The following CDH12 variants were observed in gnomAD, a reference collection of about 807,000 sequenced individuals.
CDH12 encodes cadherin 12.
Under a neutral mutation model 74.1 loss-of-function variants are expected in CDH12, and 41 were observed. That is an observed-to-expected ratio of 0.55 (90% CI 0.43 to 0.72). CDH12 has a LOEUF of 0.72. Among genes scored for constraint, CDH12 ranks in the 30% least tolerant of loss-of-function variants. The pLI, the probability that CDH12 is intolerant of heterozygous loss-of-function variation, is 0.00. For missense variants in CDH12, 945 were observed against 977.2 expected (o/e 0.97, Z 0.44); for synonymous variants, 399 against 355.0 (o/e 1.12, Z -1.39).
At chr5:22,252,540 A>G (rs548448774) in intron 3 of CDH12, among the ~76,000 whole-genome samples, 2 of 152,178 alleles carry the variant, frequency 1.3e-5, no homozygotes, top group South Asian at 4.1e-4. Flanking sequence ...ACTGATGCCT[A>G]AAGTTTATAC....
At chr5:22,249,471 G>T (rs1419469502) in intron 3 of CDH12, among the ~76,000 whole-genome samples, 1 of 152,102 alleles carries the variant, frequency 6.6e-6, no homozygotes, top group Non-Finnish European at 1.5e-5. Context: ...TACAAAGCAA[G>T]ATCTGTATCC....
chr5:22,435,621 C>T (rs939882488), intron 2 of CDH12, among the ~76,000 whole-genome samples: 4 of 151,618 alleles, frequency 2.6e-5, no homozygotes, highest in African/African-American at 9.7e-5. Context: ...TGATAATAGC[C>T]CTTTCCCAAA....
intron 2 of CDH12, among the ~76,000 whole-genome samples, chr5:22,436,795 T>C (rs1284305722): frequency 1.3e-5 from 2 of 152,202 alleles, no homozygotes; most frequent in Non-Finnish European, 2.9e-5. Flanking sequence ...TTGAAATATG[T>C]ACTTACATTC....
chr5:21,977,281 C>T (rs1757109689), intron 5 of CDH12, among the ~76,000 whole-genome samples: 1 of 151,876 alleles, frequency 6.6e-6, no homozygotes, highest in African/African-American at 2.4e-5. Context: ...AAAAAAACTG[C>T]TGTGAAGCAT....
At chr5:22,532,473 T>C (rs1018748300) in intron 1 of CDH12, among the ~76,000 whole-genome samples, 44 of 149,352 alleles carry the variant, frequency 2.9e-4, no homozygotes, top group Middle Eastern at 3.5e-3. Flanking sequence ...ATCAGATTTA[T>C]ATCTAGGACA....
intron 9 of CDH12, among the ~76,000 whole-genome samples, chr5:21,816,007 G>A (rs1415875650): frequency 1.3e-5 from 2 of 152,092 alleles, no homozygotes; most frequent in Non-Finnish European, 2.9e-5. Flanking sequence ...TTGAATCACA[G>A]AATAATAGCA....
chr5:21,915,775 C>A (rs971914912), intron 6 of CDH12, among the ~76,000 whole-genome samples: 3 of 151,378 alleles, frequency 2.0e-5, no homozygotes, highest in African/African-American at 4.9e-5. Flanking sequence ...AGACAAGTTA[C>A]GCTCCATCCG....
At chr5:22,636,910 A>C (rs1336135087) in intron 1 of CDH12, among the ~76,000 whole-genome samples, 1 of 152,214 alleles carries the variant, frequency 6.6e-6, no homozygotes, top group African/African-American at 2.4e-5. Context: ...AGTTGTATAC[A>C]GGGGAACAGT....
chr5:21,867,013 C>T (rs1751363046), intron 6 of CDH12, among the ~76,000 whole-genome samples: 1 of 152,098 alleles, frequency 6.6e-6, no homozygotes, highest in African/African-American at 2.4e-5. Flanking sequence ...AGCCTCAAGC[C>T]CTGGCAGCAT....
chr5:22,146,980 C>A (rs1255807169), intron 4 of CDH12, among the ~76,000 whole-genome samples: 2 of 152,060 alleles, frequency 1.3e-5, no homozygotes, highest in Non-Finnish European at 2.9e-5. Context: ...TTGTTTATTG[C>A]AAATGGACAT....
chr5:22,610,420 A>C (rs1737337851), intron 1 of CDH12, among the ~76,000 whole-genome samples: 1 of 152,170 alleles, frequency 6.6e-6, no homozygotes, highest in East Asian at 1.9e-4. Context: ...AACATGCAAA[A>C]ATAAAACCGA....
chr5:22,846,095 A>G (rs1037097274), intron 1 of CDH12, among the ~76,000 whole-genome samples: 2 of 152,136 alleles, frequency 1.3e-5, no homozygotes, highest in African/African-American at 2.4e-5. Context: ...GGTGGAATGG[A>G]GAGGAGCAAA....
rs564610846 is a variant in CDH12, at chr5:22,607,056, G to C, written c.-522-101692C>G. 3.9e-5 allele frequency among the ~76,000 whole-genome samples: 6 copies of C among 152,296 alleles called. No individual in the cohort carries two copies. In the South Asian group the frequency reaches 1.2e-3, roughly 32 times the overall value. On this transcript the variant is annotated intron_variant, in intron 1 of 14. Coordinates refer to ENST00000382254, the MANE Select transcript of CDH12 (RefSeq NM_004061.5). ...TAAAGATCTGTGGAACTTTGAACTT[G>C]AGAGAGATAATTTAGTGTATCTGAT...
At chr5:22,104,383 G>A (rs1000601403) in intron 4 of CDH12, among the ~76,000 whole-genome samples, 3 of 152,000 alleles carry the variant, frequency 2.0e-5, no homozygotes, top group Non-Finnish European at 4.4e-5. Context: ...TCTTTGTGAA[G>A]TATGTATTTG....
At chr5:21,880,562 C>CTTTCCTT (rs1561268001) in intron 6 of CDH12, among the ~76,000 whole-genome samples, 4 of 51,826 alleles carry the variant, frequency 7.7e-5, no homozygotes, top group South Asian at 7.3e-4. Flanking sequence ...TTCCTTCCTT[C>CTTTCCTT]CCTTCTTTCT....
At chr5:22,796,680 C>T (rs989862340) in intron 1 of CDH12, among the ~76,000 whole-genome samples, 3 of 133,624 alleles carry the variant, frequency 2.2e-5, no homozygotes, top group Admixed American at 7.7e-5. Context: ...CCACTACGCC[C>T]GGCTAATTTT....
At chr5:22,284,397 G>T (rs916301990) in intron 3 of CDH12, among the ~76,000 whole-genome samples, 8 of 152,092 alleles carry the variant, frequency 5.3e-5, no homozygotes, top group Non-Finnish European at 8.8e-5. Context: ...CAGGTCTGTG[G>T]TCTCATCTGA....
At chr5:22,341,937 A>G (rs2150455608) in intron 3 of CDH12, among the ~76,000 whole-genome samples, 1 of 152,226 alleles carries the variant, frequency 6.6e-6, no homozygotes, top group East Asian at 1.9e-4. Context: ...CTATAAAAAA[A>G]AAACATAACT....
chr5:22,114,083 G>A (rs1434967177), intron 4 of CDH12, among the ~76,000 whole-genome samples: 1 of 152,138 alleles, frequency 6.6e-6, no homozygotes, highest in African/African-American at 2.4e-5. Flanking sequence ...CAGCCCCAGT[G>A]TTTTAGAAAT....
Sources: gnomAD v4.1 joint callset for allele counts (sites outside exome capture counted in the v4.1 genomes callset) on GRCh38, gnomAD v4.1.1 for gene constraint, MANE v1.5 for transcripts, NCBI Gene and HGNC (gene_info 2026-07-23, HGNC 2026-07-21) for gene names.